The following AFDN variants were observed in gnomAD, a reference collection of about 807,000 sequenced individuals.
AFDN encodes the protein afadin, adherens junction formation factor, also known as afadin.
A neutral mutation model predicts 216.6 loss-of-function variants in AFDN; 68 were observed. The ratio of observed to expected loss-of-function variants is 0.31; its 90% CI spans 0.26 to 0.38. The LOEUF (loss-of-function observed/expected upper bound fraction) is 0.38. AFDN is among the 10% of genes least tolerant of loss of function. AFDN has a pLI of 1.00. For synonymous variants in AFDN, 868 were observed against 853.7 expected, an observed-to-expected ratio of 1.02 and a Z score of -0.29; for missense variants, 2,136 against 2,342.0, an observed-to-expected ratio of 0.91 and a Z score of 1.82.
intron 12 of AFDN, among the ~76,000 whole-genome samples, chr6:167,905,982 G>A (rs1323959131): frequency 1.3e-5 from 2 of 152,138 alleles, no homozygotes; most frequent in Non-Finnish European, 2.9e-5. Context: ...GCGGGCGCCT[G>A]TAGCCCCCTA....
intron 7 of AFDN, among the ~76,000 whole-genome samples, chr6:167,890,231 T>C (rs1301566107): frequency 6.6e-6 from 1 of 152,230 alleles, no homozygotes; most frequent in African/African-American, 2.4e-5. Flanking sequence ...CTATCCTCCT[T>C]AAAACACTTG....
Position 167,911,196 on chromosome 6 carries a change from A to G in AFDN, c.1831+34A>G, listed in dbSNP as rs772702232. ...TTTCAGATTTCATTGTCAATGAATT[A>G]TTTCTTGATCCATTTTACTCCATCT... On this transcript the variant is annotated intron_variant, in intron 14 of 33. Transcript: ENST00000683244. 13 of 1,606,270 alleles carry G rather than the reference A, an allele frequency of 8.1e-6. No individual in the cohort carries two copies. The Admixed American group carries it at 2.2e-4, about 27-fold the overall frequency.
At chr6:167,848,159 C>G (rs1374186723) in intron 1 of AFDN, among the ~76,000 whole-genome samples, 1 of 152,136 alleles carries the variant, frequency 6.6e-6, no homozygotes, top group Non-Finnish European at 1.5e-5. Context: ...TTTTTGAATA[C>G]CTTGGCTTGA....
At chr6:167,873,413 G>A (rs893832535) in intron 4 of AFDN, among the ~76,000 whole-genome samples, 5 of 152,124 alleles carry the variant, frequency 3.3e-5, no homozygotes, top group African/African-American at 9.7e-5. Flanking sequence ...GTATTATATA[G>A]TTCTTCCATA....
chr6:167,965,775 T>C lies in AFDN; in HGVS notation c.4987T>C (p.Tyr1663His), dbSNP rs368991206. The change falls in exon 32 of 34, where the codon TAT becomes CAT. Residue 1663 changes from tyrosine to histidine, a missense_variant. Coordinates refer to ENST00000683244, the MANE Select transcript of AFDN (RefSeq NM_001386888.1). ...AEEKRRQEEG[Y>H]YSRLEAERRR... ...CCCGCAGAGGCGACAGGAAGAAGGG[T>C]ATTACAGCCGCCTGGAAGCCGAGAG... The C allele has an allele frequency of 3.9e-6, 6 of 1,555,438 alleles. No individual in the cohort carries two copies. The highest frequency in any genetic ancestry group is 2.7e-5 in the African/African-American group (2 of 73,638).
intron 12 of AFDN, among the ~76,000 whole-genome samples, chr6:167,904,033 C>A (rs554844127): frequency 3.3e-5 from 5 of 152,296 alleles, no homozygotes; most frequent in African/African-American, 1.2e-4. Flanking sequence ...TCCTCTTATG[C>A]TTCACTCCTA....
intron 2 of AFDN, among the ~76,000 whole-genome samples, chr6:167,867,800 A>G (rs1784355710): frequency 6.6e-6 from 1 of 152,186 alleles, no homozygotes; most frequent in African/African-American, 2.4e-5. Context: ...TATCCTGTAT[A>G]TAATTACCTG....
intron 6 of AFDN, among the ~76,000 whole-genome samples, chr6:167,883,086 G>T (rs377497040): frequency 6.6e-6 from 1 of 152,144 alleles, no homozygotes; most frequent in Non-Finnish European, 1.5e-5. Context: ...GGAGGACATT[G>T]TCCAGCAGAA....
At chr6:167,965,553 CAAAT>C (rs1161799920) in intron 31 of AFDN, among the ~76,000 whole-genome samples, 200 bp from the exon 32 acceptor site, 1 of 152,194 alleles carries the variant, frequency 6.6e-6, no homozygotes, top group Non-Finnish European at 1.5e-5. Flanking sequence ...AGTTTTCTGT[CAAAT>C]AATCCAGGAT....
At chr6:167,845,101 G>T (rs563608053) in intron 1 of AFDN, among the ~76,000 whole-genome samples, 1 of 151,954 alleles carries the variant, frequency 6.6e-6, no homozygotes, top group Non-Finnish European at 1.5e-5. Flanking sequence ...GGCTCAAATG[G>T]TCTGCCTGCC....
chr6:167,917,793 A>G (rs945059439), intron 20 of AFDN, among the ~76,000 whole-genome samples: 23 of 152,254 alleles, frequency 1.5e-4, no homozygotes, highest in African/African-American at 5.1e-4. Flanking sequence ...GACATGCACA[A>G]AACAGCCAGA....
At chr6:167,879,950 G>A (rs1785903533) in intron 5 of AFDN, among the ~76,000 whole-genome samples, 1 of 152,090 alleles carries the variant, frequency 6.6e-6, no homozygotes, top group African/African-American at 2.4e-5. Flanking sequence ...CAGGAAGTAG[G>A]AAAATGGGAG....
chr6:167,846,143 C>A (rs532718350), intron 1 of AFDN, among the ~76,000 whole-genome samples: 1 of 151,814 alleles, frequency 6.6e-6, no homozygotes, highest in Admixed American at 6.6e-5. Context: ...TGAGTTACAG[C>A]GGATAGCTTG....
chr6:167,853,294 A>G (rs1484821420), intron 1 of AFDN, among the ~76,000 whole-genome samples: 1 of 152,122 alleles, frequency 6.6e-6, no homozygotes, highest in African/African-American at 2.4e-5. Flanking sequence ...TTATTGTATC[A>G]TATAGTTATT....
chr6:167,866,171 A>AGT (rs1400662775), intron 2 of AFDN, among the ~76,000 whole-genome samples: 24 of 32,028 alleles, frequency 7.5e-4, no homozygotes, highest in Non-Finnish European at 2.3e-3. Context: ...TCGAGTGTGA[A>AGT]GTCTGAATAA....
chr6:167,872,726 T>C (rs1265927250), intron 4 of AFDN, among the ~76,000 whole-genome samples: 1 of 152,230 alleles, frequency 6.6e-6, no homozygotes, highest in Non-Finnish European at 1.5e-5. Flanking sequence ...GCAGCAGTTG[T>C]CTCATATGTA....
chr6:167,946,049 T>G (rs1347288743), intron 26 of AFDN, among the ~76,000 whole-genome samples: 2 of 152,234 alleles, frequency 1.3e-5, no homozygotes, highest in Non-Finnish European at 2.9e-5. Context: ...TTGCTGCTTC[T>G]TGAAGCAAAC....
At chr6:167,883,218 C>T (rs904321698) in intron 6 of AFDN, among the ~76,000 whole-genome samples, 3 of 151,978 alleles carry the variant, frequency 2.0e-5, no homozygotes, top group African/African-American at 4.8e-5. Context: ...TAGTGCTGAA[C>T]GGCACACACT....
chr6:167,875,508 A>AT lies in AFDN; in HGVS notation c.739+19dup. The AT allele has an allele frequency of 6.2e-7, 1 of 1,612,540 alleles. No individual in the cohort carries two copies. Among genetic ancestry groups the AT allele is most frequent in the Non-Finnish European group, 8.5e-7 (1 of 1,179,282 alleles). ...CGGCCTGATTCAGGTACAACTTGGT[A>AT]TTTTTTCTCTGTTCTACCTGTTACA... On this transcript the variant is annotated intron_variant, in intron 5 of 33. Coordinates refer to ENST00000683244, the MANE Select transcript of AFDN (RefSeq NM_001386888.1).
Sources: allele counts gnomAD v4.1 joint callset (sites outside exome capture counted in the v4.1 genomes callset), GRCh38; gene constraint gnomAD v4.1.1; transcripts MANE v1.5; gene names NCBI Gene and HGNC (gene_info 2026-07-23, HGNC 2026-07-21).